Variants in ATP11B observed in about 807,000 individuals in gnomAD.
The protein encoded by ATP11B is phospholipid-transporting ATPase IF.
ATP11B carries 81 observed loss-of-function variants against 157.8 expected under a neutral mutation model. The observed-to-expected ratio is 0.51, with a 90% CI of 0.43 to 0.62. ATP11B has a LOEUF of 0.62. Among genes scored for constraint, ATP11B ranks in the 20% least tolerant of loss-of-function variants. ATP11B has a pLI of 0.00. For synonymous variants in ATP11B, 451 were observed against 469.4 expected (o/e 0.96, Z 0.51); for missense variants, 1,165 against 1,402.2 (o/e 0.83, Z 2.70).
At chr3:182,853,981 CCATT>C (rs1411750867) in intron 10 of ATP11B, among the ~76,000 whole-genome samples, 1 of 152,086 alleles carries the variant, frequency 6.6e-6, no homozygotes, top group Non-Finnish European at 1.5e-5. Flanking sequence ...GAGAAGTAGA[CCATT>C]CATGTGTGGG....
intron 17 of ATP11B, among the ~76,000 whole-genome samples, chr3:182,870,083 CA>C (rs113681833): frequency 0.13 from 20,434 of 152,080 alleles, 1,635 homozygotes; most frequent in African/African-American, 0.23. Flanking sequence ...TAATGATTGC[CA>C]GGGGCTGGAG....
intron 12 of ATP11B, among the ~76,000 whole-genome samples, chr3:182,865,142 T>C (rs1721133995): frequency 6.6e-6 from 1 of 152,066 alleles, no homozygotes; most frequent in African/African-American, 2.4e-5. Flanking sequence ...TCCTACTACT[T>C]AAAATACCTT....
intron 1 of ATP11B, among the ~76,000 whole-genome samples, chr3:182,794,718 G>A (rs540112232): frequency 2.4e-4 from 36 of 152,256 alleles, no homozygotes; most frequent in African/African-American, 7.2e-4. Context: ...AGAAAGTACA[G>A]CATTAAGGCA....
At chr3:182,859,412 A>C in intron 12 of ATP11B, 53 bp downstream of exon 12, 1 of 1,424,790 alleles carries the variant, frequency 7.0e-7, no homozygotes, top group Non-Finnish European at 9.4e-7. Context: ...TTATCAAAGC[A>C]ATACATGGAC....
intron 7 of ATP11B, among the ~76,000 whole-genome samples, chr3:182,837,584 A>G (rs1430039475): frequency 6.6e-6 from 1 of 152,048 alleles, no homozygotes; most frequent in African/African-American, 2.4e-5. Flanking sequence ...AGAGGATACT[A>G]CTTTTAAATT....
At chr3:182,842,181 C>T in intron 8 of ATP11B, 59 bp downstream of exon 8, 1 of 1,201,852 alleles carries the variant, frequency 8.3e-7, no homozygotes, top group South Asian at 1.3e-5. Context: ...GGGGGAGGGA[C>T]TAGAAGTTCC....
chr3:182,857,576 ACT>A lies in ATP11B; in HGVS notation c.852-301_852-300del, dbSNP rs1340561938. On this transcript the variant is annotated intron_variant, in intron 10 of 29. Transcript: ENST00000323116. Reference sequence around the variant, plus strand: ...GTGCTGAAAATGTAAAAAAAAAAAAACTTAGAATAATTACTTATGGCAAAAAT... The same window carrying A: ...GTGCTGAAAATGTAAAAAAAAAAAAATAGAATAATTACTTATGGCAAAAAT... 2.0e-3 allele frequency among the ~76,000 whole-genome samples: 303 copies of A among 150,902 alleles called. 3 individuals carry two copies. The highest frequency in any genetic ancestry group is 5.9e-3 in the African/African-American group (243 of 41,052).
At chr3:182,916,525 A>G in intron 29 of ATP11B, 2 of 985,398 alleles carry the variant, frequency 2.0e-6, no homozygotes, top group South Asian at 4.7e-5. Flanking sequence ...GGTGCTATAT[A>G]AAGAATATGC....
chr3:182,798,387 A>G (rs536173147), intron 1 of ATP11B, among the ~76,000 whole-genome samples: 64 of 152,356 alleles, frequency 4.2e-4, no homozygotes, highest in African/African-American at 1.4e-3. Context: ...TTTCCAAGGA[A>G]TGAATGAAGG....
At chr3:182,877,874 C>T (rs531553930) in intron 19 of ATP11B, among the ~76,000 whole-genome samples, 18 of 152,106 alleles carry the variant, frequency 1.2e-4, no homozygotes, top group Non-Finnish European at 2.4e-4. Flanking sequence ...ATTGTAAGAT[C>T]ATAATGTGAT....
At chr3:182,799,838 G>T (rs1372191305) in intron 1 of ATP11B, among the ~76,000 whole-genome samples, 2 of 152,112 alleles carry the variant, frequency 1.3e-5, no homozygotes, top group East Asian at 3.9e-4. Context: ...TCTAGGCCAG[G>T]TGTGGTGGCT....
rs561611824 is a variant in ATP11B, at chr3:182,882,604, T to C, written c.2509+1623T>C. Among the ~76,000 whole-genome samples, 10 of 152,140 alleles carry C rather than the reference T, an allele frequency of 6.6e-5. No individual in the cohort carries two copies. The South Asian group carries it at 2.1e-3, about 32-fold the overall frequency. ...AGTAACTTATAAAGACCCTAAAAAGTAATAGAAGAAAATTTAATGAATAAT... is the reference window on the plus strand; with the variant it reads ...AGTAACTTATAAAGACCCTAAAAAGCAATAGAAGAAAATTTAATGAATAAT... On this transcript the variant is annotated intron_variant, in intron 21 of 29. Coordinates refer to ENST00000323116, the MANE Select transcript of ATP11B (RefSeq NM_014616.3).
intron 7 of ATP11B, among the ~76,000 whole-genome samples, chr3:182,839,084 C>G (rs187846703): frequency 6.6e-6 from 1 of 152,090 alleles, no homozygotes; most frequent in Non-Finnish European, 1.5e-5. Context: ...ATATACACCA[C>G]AGAATACTAT....
At chr3:182,911,473 C>T (rs1343380463) in intron 28 of ATP11B, among the ~76,000 whole-genome samples, 1 of 152,086 alleles carries the variant, frequency 6.6e-6, no homozygotes, top group African/African-American at 2.4e-5. Context: ...AACCAAGATT[C>T]AAGCCCCAGA....
In ATP11B at chr3:182,845,493, C is replaced by T. The variant is rs1483147818; in HGVS notation, c.740C>T (p.Ala247Val). ...CCGGAGAGTCTCCTGCTTCGTGGAG[C>T]CAGATTAAAAAACACAAAAGAAATT... The part of the protein sequence containing the change: ...LGPESLLLRG[A>V]RLKNTKEIFG... Residue 247 changes from alanine to valine, a missense_variant, in exon 9 of 30, where the codon GCC becomes GTC. Physicochemically the swap from Ala to Val is moderately conservative, Grantham distance 64. This residue lies in a region of ATP11B where 737 missense variants were observed against 930.5 expected (regional missense o/e 0.79). Transcript: ENST00000323116. 1.3e-6 allele frequency: 2 copies of T among 1,595,692 alleles called. No individual in the cohort carries two copies. The highest frequency in any genetic ancestry group is 1.7e-6 in the Non-Finnish European group (2 of 1,175,442).
intron 17 of ATP11B, among the ~76,000 whole-genome samples, chr3:182,871,042 C>T (rs1365645930): frequency 6.6e-6 from 1 of 152,134 alleles, no homozygotes; most frequent in East Asian, 1.9e-4. Context: ...TGGCTCATGC[C>T]TGTAATCCCA....
chr3:182,883,609 A>G (rs1722583594), intron 21 of ATP11B, among the ~76,000 whole-genome samples: 1 of 151,784 alleles, frequency 6.6e-6, no homozygotes, highest in Non-Finnish European at 1.5e-5. Context: ...TTTTGTATGT[A>G]TGAAATACTT....
chr3:182,868,593 C>T (rs911263259), intron 15 of ATP11B, among the ~76,000 whole-genome samples: 4 of 152,026 alleles, frequency 2.6e-5, no homozygotes. Flanking sequence ...GGTTCACAGT[C>T]ACTGCTATAA....
At chr3:182,917,612 T>C (rs1169064437) in intron 29 of ATP11B, 2 of 985,242 alleles carry the variant, frequency 2.0e-6, no homozygotes, top group African/African-American at 3.5e-5. Context: ...AATAGGAACA[T>C]ACTACTGTTT....
Sources: gnomAD v4.1 joint callset for allele counts (sites outside exome capture counted in the v4.1 genomes callset) on GRCh38, gnomAD v4.1.1 for gene constraint, gnomAD v4.1.1 regional missense constraint, MANE v1.5 for transcripts, NCBI Gene and HGNC (gene_info 2026-07-23, HGNC 2026-07-21) for gene names.